Variants in P2RX1 observed in about 807,000 individuals in gnomAD.
P2RX1 encodes purinergic receptor P2X 1.
In P2RX1, 42 loss-of-function variants were observed where a neutral mutation model predicts 50.3. The ratio of observed to expected loss-of-function variants is 0.83; its 90% confidence interval spans 0.65 to 1.08. The LOEUF (loss-of-function observed/expected upper bound fraction) is 1.08. Ranked by LOEUF, P2RX1 falls within the 50% of genes least tolerant of loss-of-function variation. The pLI is 0.00. For missense variants in P2RX1, 449 were observed against 529.0 expected (o/e 0.85, Z 1.48); for synonymous variants, 199 against 202.6 (o/e 0.98, Z 0.15).
chr17:3,898,399 A>T, intron 10 of P2RX1, 85 bp downstream of exon 10: 1 of 1,073,114 alleles, frequency 9.3e-7, no homozygotes, highest in Middle Eastern at 2.0e-4. Context: ...GTCAAGTTTT[A>T]GGGTGAGGGA....
intron 1 of P2RX1, among the ~76,000 whole-genome samples, chr17:3,906,513 G>A (rs1201297543): frequency 6.6e-6 from 1 of 152,232 alleles, no homozygotes; most frequent in African/African-American, 2.4e-5. Flanking sequence ...CAGAATAAAT[G>A]CAGTATAGAC....
In P2RX1 at chr17:3,916,142, C is replaced by T; in HGVS notation, c.84G>A (p.Lys28=). Residue 28 remains lysine (K), a synonymous_variant, in exon 1 of 12, where the codon AAG becomes AAA. Coordinates refer to ENST00000225538, the MANE Select transcript of P2RX1 (RefSeq NM_002558.4). ...GGATCAGTCGGAAGATAACGCCCACCTTCTTATTACGCACCAGCACCATGC... is the reference window on the plus strand; with the variant it reads ...GGATCAGTCGGAAGATAACGCCCACTTTCTTATTACGCACCAGCACCATGC... ...TPRMVLVRNK[K]VGVIFRLIQL... 3 of 1,613,682 alleles carry T rather than the reference C, an allele frequency of 1.9e-6. No homozygotes were observed. Among genetic ancestry groups the T allele is most frequent in the South Asian group, 2.2e-5 (2 of 91,080 alleles).
rs1423313369 is a variant in P2RX1 at position 3,903,748 on chromosome 17, G to A, written c.525-117C>T. On this transcript the variant is annotated intron_variant, in intron 5 of 11. Transcript: ENST00000225538. This position sits in a 1 kb window ranked among gnomAD's most constrained non-coding sequence, Gnocchi z 4.6. ...CTCCGGGACCCGCCTGCAGCCCTGG[G>A]CTGGTGGAGGGGTGGGTGTGCTCTA... 6.5e-6 allele frequency: 8 copies of A among 1,228,438 alleles called. No individual in the cohort carries two copies. The East Asian group carries it at 1.9e-4, about 29-fold the overall frequency. The allele number at this position is 1,228,438 out of a possible 1,614,324, so 76.1% of individuals were successfully genotyped here.
Position 3,903,697 on chromosome 17 carries a change from T to C in P2RX1, c.525-66A>G, listed in dbSNP as rs2056199307. On this transcript the variant is annotated intron_variant, in intron 5 of 11. Coordinates refer to ENST00000225538, the MANE Select transcript of P2RX1 (RefSeq NM_002558.4). This position sits in a 1 kb window ranked among gnomAD's most constrained non-coding sequence, Gnocchi z 4.6. Reference sequence around the variant, plus strand: ...GCCCCCTGTGTGTCCCACACAGAGCTTGGCACAGCAGGGGGTGGGCCGAGC... The same window carrying C: ...GCCCCCTGTGTGTCCCACACAGAGCCTGGCACAGCAGGGGGTGGGCCGAGC... The C allele has an allele frequency of 6.5e-7, 1 of 1,540,034 alleles. No homozygotes were observed. The highest frequency in any genetic ancestry group is 1.4e-5 in the African/African-American group (1 of 73,506).
chr17:3,903,096 C>G lies in P2RX1; in HGVS notation c.747+106G>C, dbSNP rs115821468. 2.0e-3 allele frequency: 3,055 copies of G among 1,493,556 alleles called. 49 individuals are homozygous for G. The African/African-American group carries it at 0.038, about 18-fold the overall frequency. 92.5% of individuals were successfully genotyped at this position (1,493,556 alleles called of 1,614,324 possible). On this transcript the variant is annotated intron_variant, in intron 7 of 11. Coordinates refer to ENST00000225538, the MANE Select transcript of P2RX1 (RefSeq NM_002558.4). The surrounding 1 kb of genome is among the most constrained non-coding windows in gnomAD (Gnocchi z 4.6). ...ATCAGGGGACAGACCCATACATATA[C>G]TCAGCCCTCACCGAGGAGACTTGGG... is the stretch of plus-strand genomic sequence containing the variant.
At chr17:3,899,134 C>T (rs1415229217) in intron 8 of P2RX1, 110 bp from the exon 9 acceptor site, 2 of 779,204 alleles carry the variant, frequency 2.6e-6, no homozygotes, top group East Asian at 2.5e-5. Context: ...AGTACAGCCT[C>T]ATCCCCAACA....
chr17:3,897,940 G>A (rs906387026), intron 11 of P2RX1, 61 bp from the exon 12 acceptor site: 16 of 1,604,488 alleles, frequency 1.0e-5, no homozygotes, highest in African/African-American at 8.0e-5. Context: ...AGCTGCCCAC[G>A]CCCCCCACCC....
At chr17:3,915,529 C>G (rs1277340899) in intron 1 of P2RX1, 3 of 456,532 alleles carry the variant, frequency 6.6e-6, no homozygotes, top group South Asian at 3.1e-5. Context: ...TCCCTGGGAC[C>G]AGAACCAATC....
intron 7 of P2RX1, 147 bp from the exon 8 acceptor site, chr17:3,899,908 C>T: frequency 2.0e-6 from 2 of 981,412 alleles, no homozygotes; most frequent in South Asian, 2.6e-5. Flanking sequence ...CAAGACCAGT[C>T]TGGTCAACAG....
intron 1 of P2RX1, 109 bp downstream of exon 1, chr17:3,915,980 T>C: frequency 3.0e-6 from 4 of 1,315,736 alleles, no homozygotes; most frequent in Non-Finnish European, 4.3e-6. Context: ...GGCCTTCCCC[T>C]GGATGGAGAG....
chr17:3,898,324 T>A (rs1190390924), intron 10 of P2RX1, among the ~76,000 whole-genome samples, 160 bp downstream of exon 10: 1 of 151,660 alleles, frequency 6.6e-6, no homozygotes, highest in Non-Finnish European at 1.5e-5. Flanking sequence ...TGGGCCTTGG[T>A]TTTCTTAGAT....
rs766521686 is a variant in P2RX1, at chr17:3,898,944, A to G, written c.956T>C (p.Val319Ala). 8 of 1,613,464 alleles carry G rather than the reference A, an allele frequency of 5.0e-6. No homozygotes were observed. The African/African-American group carries it at 1.1e-4, about 22-fold the overall frequency. ...ACACTGGACACTCACCTTGCCGTCC[A>G]CCAGGATGTCAAAGCGAATCCCAAA... is the stretch of plus-strand genomic sequence containing the variant. ...KVFGIRFDIL[V>A]DGKAGKFDII... The change falls in exon 9 of 12, where the codon GTG (valine) becomes GCG (alanine). Residue 319 changes from valine (V) to alanine (A), a missense_variant. Val to Ala is a moderately conservative substitution (Grantham distance 64). Transcript: ENST00000225538.
Position 3,914,476 on chromosome 17 carries a change from G to C in P2RX1, c.137+1613C>G, listed in dbSNP as rs1231059043. 6.6e-6 allele frequency among the ~76,000 whole-genome samples: 1 copy of C among 152,106 alleles called. No individual in the cohort carries two copies. The highest frequency in any genetic ancestry group is 1.9e-4 in the East Asian group (1 of 5,194). On this transcript the variant is annotated intron_variant, in intron 1 of 11. Transcript: ENST00000225538. The surrounding 1 kb of genome is among the most constrained non-coding windows in gnomAD (Gnocchi z 4.1). ...ACAGCCTGTGACACACACAGAGGAG[G>C]GACCTGGTGCCCCTCACACCTGCAG...
In P2RX1 at chr17:3,904,914, C is replaced by T. The variant is rs749118969; in HGVS notation, c.301G>A (p.Val101Met). 4.8e-6 allele frequency: 7 copies of T among 1,444,706 alleles called. No individual in the cohort carries two copies. In the East Asian group the frequency reaches 8.8e-5, roughly 18 times the overall value. The allele number at this position is 1,444,706 out of a possible 1,614,324, so 89.5% of individuals were successfully genotyped here. A position where few individuals can be genotyped will look rare whatever the true frequency, so the allele number is the denominator to read the frequency against. ...VFPAQGDNSF[V>M]VMTNFIVTPK... ...GTCACGATGAAATTGGTCATGACCA[C>T]GAAGGAGTTGTCCCCCTAGAAGTGA... The change falls in exon 3 of 12, where the codon GTG (valine) becomes ATG (methionine). Residue 101 changes from valine to methionine, a missense_variant. Physicochemically the swap from Val to Met is conservative, Grantham distance 21 (BLOSUM62 1). Transcript: ENST00000225538.
chr17:3,909,664 T>C (rs1373770698), intron 1 of P2RX1, among the ~76,000 whole-genome samples: 1 of 152,100 alleles, frequency 6.6e-6, no homozygotes, highest in Non-Finnish European at 1.5e-5. Flanking sequence ...CTGGGCAACA[T>C]AGTAACACGC....
intron 7 of P2RX1, among the ~76,000 whole-genome samples, chr17:3,900,799 A>G (rs1387442554): frequency 6.6e-6 from 1 of 152,146 alleles, no homozygotes; most frequent in East Asian, 1.9e-4. Flanking sequence ...TTCATCACCA[A>G]CTCCTGAGTT....
chr17:3,901,630 C>A (rs530663316), intron 7 of P2RX1, among the ~76,000 whole-genome samples: 102 of 152,354 alleles, frequency 6.7e-4, no homozygotes, highest in African/African-American at 1.9e-3. Flanking sequence ...CCCTTGTAGA[C>A]AGACAAATGT....
rs2056051256 is a variant in P2RX1, at chr17:3,897,498, G to T, written c.*316C>A. On this transcript the variant is annotated 3_prime_UTR_variant, in exon 12 of 12. Transcript: ENST00000225538. ...CTAGAGAAATGGAGGCAGCGGGTTG[G>T]ATAATGAGAGTCCGGAGAGAGAAGC... 1.2e-5 allele frequency: 6 copies of T among 496,916 alleles called. No individual in the cohort carries two copies. 30.8% of individuals were successfully genotyped at this position (496,916 alleles called of 1,614,324 possible).
chr17:3,916,261 C>A lies in P2RX1; in HGVS notation c.-36G>T. 1 of 1,607,836 alleles carries A rather than the reference C, an allele frequency of 6.2e-7. No individual in the cohort carries two copies. The highest frequency in any genetic ancestry group is 8.5e-7 in the Non-Finnish European group (1 of 1,176,914). On this transcript the variant is annotated 5_prime_UTR_variant, in exon 1 of 12. Transcript: ENST00000225538. Reference sequence around the variant, plus strand: ...CTGGGGCTCAGAACTGAGCCCCCTGCACGGCCTCTGCTCTCAGGGTGAGCC... The same window carrying A: ...CTGGGGCTCAGAACTGAGCCCCCTGAACGGCCTCTGCTCTCAGGGTGAGCC...
Sources: allele counts gnomAD v4.1 joint callset (sites outside exome capture counted in the v4.1 genomes callset), GRCh38; gene constraint gnomAD v4.1.1; non-coding constraint Gnocchi (gnomAD v3.1); transcripts MANE v1.5; gene names NCBI Gene and HGNC (gene_info 2026-07-23, HGNC 2026-07-21).